Variants in TRABD2B observed in about 807,000 individuals in gnomAD.
The protein encoded by TRABD2B is metalloprotease TIKI2.
Under a neutral mutation model 40.1 loss-of-function variants are expected in TRABD2B, and 14 were observed. The ratio of observed to expected loss-of-function variants is 0.35; its 90% confidence interval spans 0.23 to 0.55. The LOEUF (loss-of-function observed/expected upper bound fraction) is 0.55, where lower values mean the gene tolerates loss of function less well. TRABD2B is among the 20% of genes least tolerant of loss of function. The pLI is 0.90. For missense variants in TRABD2B, 541 were observed against 648.6 expected (o/e 0.83, Z 1.80); for synonymous variants, 263 against 277.0 (o/e 0.95, Z 0.50).
chr1:47,892,452 C>A (rs183115526), intron 2 of TRABD2B, among the ~76,000 whole-genome samples: 1 of 152,336 alleles, frequency 6.6e-6, no homozygotes, highest in African/African-American at 2.4e-5. Context: ...TATATCACAT[C>A]TGGATATATG....
chr1:47,812,351 G>T (rs958339998), intron 2 of TRABD2B, among the ~76,000 whole-genome samples: 11 of 152,180 alleles, frequency 7.2e-5, no homozygotes, highest in African/African-American at 2.7e-4. Context: ...GGCCTCAGAG[G>T]GGTTTCTGAC....
chr1:47,792,723 T>A lies in TRABD2B; in HGVS notation c.988+1863A>T, dbSNP rs147560166. Among the ~76,000 whole-genome samples the A allele has an allele frequency of 4.3e-4, 66 of 152,228 alleles. No homozygotes were observed. The Middle Eastern group carries it at 0.024, about 55-fold the overall frequency. On this transcript the variant is annotated intron_variant, in intron 4 of 6. Transcript: ENST00000606738. ...CTTTCTTGCTCACAGACAGAGCTGG[T>A]GGTAGCTACCCCCAGCCCTGGGAGA... is the stretch of plus-strand genomic sequence containing the variant.
rs371135323 is a variant in TRABD2B at position 47,914,399 on chromosome 1, C to G, written c.666+79635G>C. 3.9e-5 allele frequency among the ~76,000 whole-genome samples: 6 copies of G among 152,186 alleles called. No individual in the cohort carries two copies. The East Asian group carries it at 1.2e-3, about 29-fold the overall frequency. On this transcript the variant is annotated intron_variant, in intron 2 of 6. Coordinates refer to ENST00000606738, the MANE Select transcript of TRABD2B (RefSeq NM_001194986.2). ...TATTTCAGGCTACCGTCCTGGTGACCTGGACAGATTCCGCGGTGCCCGCTG... is the reference window on the plus strand; with the variant it reads ...TATTTCAGGCTACCGTCCTGGTGACGTGGACAGATTCCGCGGTGCCCGCTG...
Position 47,794,676 on chromosome 1 carries a change from T to A in TRABD2B, c.898A>T (p.Ile300Phe), listed in dbSNP as rs910346449. ...EIDSYFRQEL[I>F]YKRNERMGKR... is the part of the protein sequence containing the mutation. The stretch of plus-strand genomic sequence containing the variant: ...CCCATGCGCTCATTCCTCTTGTAGA[T>A]GAGCTCCTGGCGGAAGTAGCTGTCA... The change falls in exon 4 of 7, where the codon ATC becomes TTC. Residue 300 changes from isoleucine to phenylalanine, a missense_variant. This residue lies in a region of TRABD2B where 369 missense variants were observed against 492.8 expected (regional missense o/e 0.75). Coordinates refer to ENST00000606738, the MANE Select transcript of TRABD2B (RefSeq NM_001194986.2). The A allele has an allele frequency of 6.5e-7, 1 of 1,536,578 alleles. No homozygotes were observed. Among genetic ancestry groups the A allele is most frequent in the Non-Finnish European group, 8.7e-7 (1 of 1,146,908 alleles).
intron 2 of TRABD2B, among the ~76,000 whole-genome samples, chr1:47,916,591 A>G (rs967773244): frequency 1.3e-5 from 2 of 152,226 alleles, no homozygotes; most frequent in Non-Finnish European, 2.9e-5. Context: ...AAGAAATAAC[A>G]TCTCACAGAG....
Position 47,909,492 on chromosome 1 carries a change from G to GAGGAGAAGGAGAAGGAGGAGA in TRABD2B, c.666+84541_666+84542insTCTCCTCCTTCTCCTTCTCCT, listed in dbSNP as rs71056646. ...GGGGAAGGAGAAGGAGAAGGAGAAGGAGGAGAAGGAGGAGAAGGAGAAGGG... is the reference window on the plus strand; with the variant it reads ...GGGGAAGGAGAAGGAGAAGGAGAAGGAGGAGAAGGAGAAGGAGGAGAAGGAGAAGGAGGAGAAGGAGAAGGG... On this transcript the variant is annotated intron_variant, in intron 2 of 6. Coordinates refer to ENST00000606738, the MANE Select transcript of TRABD2B (RefSeq NM_001194986.2). Among the ~76,000 whole-genome samples, 822 of 139,974 alleles carry GAGGAGAAGGAGAAGGAGGAGA rather than the reference G, an allele frequency of 5.9e-3. 28 individuals are homozygous for GAGGAGAAGGAGAAGGAGGAGA. Among genetic ancestry groups the GAGGAGAAGGAGAAGGAGGAGA allele is most frequent in the African/African-American group, 0.022 (787 of 36,158 alleles). 91.8% of individuals were successfully genotyped at this position (139,974 alleles called of 152,430 possible). A position where few individuals can be genotyped will look rare whatever the true frequency, so the allele number is the denominator to read the frequency against.
At chr1:47,782,851 C>A (rs78140509) in intron 4 of TRABD2B, among the ~76,000 whole-genome samples, 5 of 152,198 alleles carry the variant, frequency 3.3e-5, no homozygotes, top group Admixed American at 6.5e-5. Flanking sequence ...CAAAGGGGCC[C>A]CACGATGTTG....
At chr1:47,797,448 C>T (rs1047245056) in intron 3 of TRABD2B, among the ~76,000 whole-genome samples, 1 of 152,208 alleles carries the variant, frequency 6.6e-6, no homozygotes, top group Admixed American at 6.5e-5. Context: ...CTTCCCCTCT[C>T]CTTCCAAGGG....
At chr1:47,920,480 G>T (rs1644887532) in intron 2 of TRABD2B, among the ~76,000 whole-genome samples, 1 of 152,218 alleles carries the variant, frequency 6.6e-6, no homozygotes. Flanking sequence ...GGGAGGCTGG[G>T]TGTTTTCCCC....
At chr1:47,942,389 AG>A (rs1445356713) in intron 2 of TRABD2B, among the ~76,000 whole-genome samples, 2 of 41,262 alleles carry the variant, frequency 4.8e-5, no homozygotes, top group Non-Finnish European at 8.6e-5. Flanking sequence ...GGGGACGATC[AG>A]GGGAGGCAGT....
intron 2 of TRABD2B, among the ~76,000 whole-genome samples, chr1:47,962,523 C>T (rs1455496436): frequency 7.9e-5 from 12 of 152,150 alleles, no homozygotes; most frequent in Admixed American, 7.9e-4. Context: ...CTGATACCTG[C>T]CCCCTTTGCC....
At chr1:47,881,315 T>C (rs910487788) in intron 2 of TRABD2B, among the ~76,000 whole-genome samples, 3 of 152,204 alleles carry the variant, frequency 2.0e-5, no homozygotes, top group African/African-American at 7.2e-5. Context: ...GGTGCAGATG[T>C]GTGTTTGTGT....
chr1:47,767,117 G>A (rs1262958104), intron 6 of TRABD2B, among the ~76,000 whole-genome samples: 2 of 152,224 alleles, frequency 1.3e-5, no homozygotes, highest in Admixed American at 6.5e-5. Flanking sequence ...CAACTACAGA[G>A]GCCTAGCAGA....
Position 47,994,865 on chromosome 1 carries a change from C to A in TRABD2B, c.103-268G>T, listed in dbSNP as rs927534678. Among the ~76,000 whole-genome samples, 1 of 152,162 alleles carries A rather than the reference C, an allele frequency of 6.6e-6. No individual in the cohort carries two copies. The highest frequency in any genetic ancestry group is 1.5e-5 in the Non-Finnish European group (1 of 68,038). Reference sequence around the variant, plus strand: ...AAAATGGGGGTGAAAGCAACTACCTCGGGTTGTTGGGAGGATTAAAAGATA... The same window carrying A: ...AAAATGGGGGTGAAAGCAACTACCTAGGGTTGTTGGGAGGATTAAAAGATA... On this transcript the variant is annotated intron_variant, in intron 1 of 6. Coordinates refer to ENST00000606738, the MANE Select transcript of TRABD2B (RefSeq NM_001194986.2). This position sits in a 1 kb window ranked among gnomAD's most constrained non-coding sequence, Gnocchi z 6.7.
At chr1:47,784,352 A>T (rs1284735808) in intron 4 of TRABD2B, among the ~76,000 whole-genome samples, 1 of 152,116 alleles carries the variant, frequency 6.6e-6, no homozygotes, top group Non-Finnish European at 1.5e-5. Context: ...CGGAGAGGAG[A>T]GTGTGCAAGT....
chr1:47,863,372 T>TTATATATATATATACATATATA (rs1644004659), intron 2 of TRABD2B, among the ~76,000 whole-genome samples: 1 of 66,496 alleles, frequency 1.5e-5, no homozygotes, highest in African/African-American at 5.3e-5. Context: ...CTATATAATT[T>TTATATATATATATACATATATA]TATATATATA....
At chr1:47,846,112 G>A (rs1645465424) in intron 2 of TRABD2B, among the ~76,000 whole-genome samples, 1 of 152,214 alleles carries the variant, frequency 6.6e-6, no homozygotes, top group African/African-American at 2.4e-5. Flanking sequence ...TGCAAAGACT[G>A]CTAGAGCTTC....
intron 2 of TRABD2B, among the ~76,000 whole-genome samples, chr1:47,812,587 C>G (rs990196297): frequency 6.6e-6 from 1 of 152,092 alleles, no homozygotes; most frequent in African/African-American, 2.4e-5. Context: ...GATATGCTGT[C>G]ACGTGCCTGT....
intron 2 of TRABD2B, among the ~76,000 whole-genome samples, chr1:47,930,204 T>C (rs1645021559): frequency 6.6e-6 from 1 of 152,188 alleles, no homozygotes; most frequent in Non-Finnish European, 1.5e-5. Flanking sequence ...CAGATGCCTT[T>C]CAGTGTCTGA....
Sources: gnomAD v4.1 joint callset for allele counts (sites outside exome capture counted in the v4.1 genomes callset) on GRCh38, gnomAD v4.1.1 for gene constraint, gnomAD v4.1.1 regional missense constraint, Gnocchi (gnomAD v3.1) non-coding constraint, MANE v1.5 for transcripts, NCBI Gene and HGNC (gene_info 2026-07-23, HGNC 2026-07-21) for gene names.